Variants in PATJ observed in about 807,000 individuals in gnomAD.
PATJ encodes the protein inaD-like protein.
A neutral mutation model predicts 224.9 loss-of-function variants in PATJ; 190 were observed. The ratio of observed to expected loss-of-function variants is 0.84; its 90% confidence interval spans 0.75 to 0.95. The LOEUF (loss-of-function observed/expected upper bound fraction) is 0.95. PATJ is among the 40% of genes least tolerant of loss of function. The pLI, the probability that PATJ is intolerant of heterozygous loss-of-function variation, is 0.00. For missense variants in PATJ, 2,121 were observed against 2,270.3 expected (o/e 0.93, Z 1.34); for synonymous variants, 769 against 820.3 (o/e 0.94, Z 1.07).
intron 27 of PATJ, among the ~76,000 whole-genome samples, chr1:61,988,545 T>C (rs1644889728): frequency 6.6e-6 from 1 of 152,218 alleles, no homozygotes; most frequent in South Asian, 2.1e-4. Flanking sequence ...GTTAACAGTT[T>C]TGTGATCTTG....
chr1:61,966,913 G>A (rs186957585), intron 27 of PATJ, among the ~76,000 whole-genome samples: 17 of 152,208 alleles, frequency 1.1e-4, no homozygotes, highest in African/African-American at 3.9e-4. Context: ...ACAACCAGAG[G>A]TCACTCTCGT....
intron 20 of PATJ, among the ~76,000 whole-genome samples, chr1:61,871,387 G>A (rs1166629968): frequency 1.1e-5 from 1 of 89,544 alleles, no homozygotes; most frequent in South Asian, 3.4e-4. Flanking sequence ...AATTTTTTGT[G>A]TATATATATA....
At chr1:61,853,935 G>T (rs72674669) in intron 17 of PATJ, among the ~76,000 whole-genome samples, 2,063 of 152,242 alleles carry the variant, frequency 0.014, 26 homozygotes, top group Non-Finnish European at 0.019. Context: ...TGACTCGGGG[G>T]TAGAAAGGCA....
In PATJ at chr1:62,084,554, G is replaced by A. The variant is rs1314298128; in HGVS notation, c.4283G>A (p.Cys1428Tyr). ...QAPLSVDPAT[C>Y]PIVPGQEMII... Reference sequence around the variant, plus strand: ...CCTCTGTCAGTGGACCCCGCAACGTGTCCCATTGTCCCTGGACAGGAAATG... The same window carrying A: ...CCTCTGTCAGTGGACCCCGCAACGTATCCCATTGTCCCTGGACAGGAAATG... Residue 1428 changes from cysteine (C) to tyrosine (Y), a missense_variant, in exon 33 of 44, where the codon TGT becomes TAT. Physicochemically the swap from Cys to Tyr is radical, Grantham distance 194. Transcript: ENST00000642238. 4 of 1,613,302 alleles carry A rather than the reference G, an allele frequency of 2.5e-6. No homozygotes were observed. Among genetic ancestry groups the A allele is most frequent in the Middle Eastern group, 1.6e-4 (1 of 6,062 alleles).
At chr1:62,038,589 A>ATACATACTTAT in intron 30 of PATJ, 1 of 163,672 alleles carries the variant, frequency 6.1e-6, no homozygotes, top group African/African-American at 2.4e-5. Flanking sequence ...CCAAAAAGAA[A>ATACATACTTAT]TACATACTTA....
chr1:61,848,379 G>T (rs1208846219), intron 17 of PATJ, among the ~76,000 whole-genome samples: 1 of 151,958 alleles, frequency 6.6e-6, no homozygotes, highest in African/African-American at 2.4e-5. Flanking sequence ...CTTGTTTTCT[G>T]ACATTACTCA....
chr1:62,116,789 T>C (rs1570669460), intron 36 of PATJ, 110 bp downstream of exon 36: 1 of 1,009,404 alleles, frequency 9.9e-7, no homozygotes, highest in East Asian at 2.6e-5. Context: ...AACTCTAGTT[T>C]TTACTAGAAA....
chr1:62,127,500 C>T (rs973526015), intron 39 of PATJ, among the ~76,000 whole-genome samples: 5 of 151,598 alleles, frequency 3.3e-5, no homozygotes, highest in Non-Finnish European at 5.9e-5. Context: ...CAAGACCCCA[C>T]AGCTAATTAA....
intron 22 of PATJ, among the ~76,000 whole-genome samples, chr1:61,885,580 G>T (rs1668703554): frequency 6.6e-6 from 1 of 152,180 alleles, no homozygotes; most frequent in Non-Finnish European, 1.5e-5. Context: ...CTGTTGGTGG[G>T]ACTATAAACT....
intron 33 of PATJ, among the ~76,000 whole-genome samples, chr1:62,099,347 C>CTTTTTTTTTTTTT (rs71050197): frequency 1.4e-4 from 8 of 55,676 alleles, no homozygotes; most frequent in African/African-American, 6.2e-4. Context: ...ATATCTCCAA[C>CTTTTTTTTTTTTT]TTTTTTTTTT....
In PATJ at chr1:62,051,060, T is replaced by C. The variant is rs989145805; in HGVS notation, c.4125+2T>C. On this transcript the variant is annotated splice_donor_variant, in intron 31 of 43. Coordinates refer to ENST00000642238, the MANE Select transcript of PATJ (RefSeq NM_001350145.3). LOFTEE classifies it high-confidence loss of function. ...CCTGAAAGTGAAAGCTTCAAACTGG[T>C]GAGAATCTTGAGTATTTTTCATCCT... is the stretch of plus-strand genomic sequence containing the variant. 1 of 1,597,782 alleles carries C rather than the reference T, an allele frequency of 6.3e-7. No homozygotes were observed. The highest frequency in any genetic ancestry group is 1.3e-5 in the African/African-American group (1 of 74,548).
intron 25 of PATJ, among the ~76,000 whole-genome samples, chr1:61,912,036 G>A (rs1265394311): frequency 5.6e-5 from 3 of 53,836 alleles, no homozygotes; most frequent in Non-Finnish European, 8.3e-5. Context: ...TAAAAAATTG[G>A]ATATCTTCAG....
At chr1:61,744,353 TAAAG>T (rs1319729533) in intron 1 of PATJ, among the ~76,000 whole-genome samples, 1 of 149,746 alleles carries the variant, frequency 6.7e-6, no homozygotes, top group Non-Finnish European at 1.5e-5. Flanking sequence ...ACTGCATTCC[TAAAG>T]AAAGAATTTC....
chr1:61,778,875 A>G (rs556703661), intron 7 of PATJ, among the ~76,000 whole-genome samples: 19 of 152,064 alleles, frequency 1.2e-4, no homozygotes, highest in African/African-American at 4.3e-4. Context: ...TAATTTTTAC[A>G]TTTTTAATAG....
chr1:61,888,134 C>T (rs1031171040), intron 22 of PATJ, among the ~76,000 whole-genome samples: 2 of 152,188 alleles, frequency 1.3e-5, no homozygotes, highest in African/African-American at 2.4e-5. Flanking sequence ...CTGCCAGGCC[C>T]GGTGTCCTAA....
chr1:62,149,821 C>A (rs1010726892), intron 42 of PATJ, among the ~76,000 whole-genome samples: 3 of 146,974 alleles, frequency 2.0e-5, no homozygotes, highest in Middle Eastern at 6.9e-3. Flanking sequence ...TTTTTTTTTA[C>A]TAGCCTTCTA....
intron 26 of PATJ, among the ~76,000 whole-genome samples, chr1:61,922,309 G>C (rs1009396752): frequency 2.0e-5 from 3 of 152,046 alleles, no homozygotes; most frequent in Non-Finnish European, 2.9e-5. Flanking sequence ...CCTCCCAAAG[G>C]CTGGAATTAT....
At chr1:62,148,120 T>TAAAAAAAAAAAAAAAAAA (rs1558235712) in intron 41 of PATJ, among the ~76,000 whole-genome samples, 164 bp from the exon 42 acceptor site, 1 of 108,496 alleles carries the variant, frequency 9.2e-6, no homozygotes, top group Admixed American at 1.1e-4. Flanking sequence ...GACACTGTCT[T>TAAAAAAAAAAAAAAAAAA]TAAAAAAAAA....
chr1:62,027,821 T>C (rs889378203), intron 29 of PATJ, among the ~76,000 whole-genome samples: 15 of 151,750 alleles, frequency 9.9e-5, no homozygotes, highest in African/African-American at 3.6e-4. Flanking sequence ...GCCCATTTTT[T>C]TAATGAGATT....
Sources: allele counts gnomAD v4.1 joint callset (sites outside exome capture counted in the v4.1 genomes callset), GRCh38; gene constraint gnomAD v4.1.1; transcripts MANE v1.5; gene names NCBI Gene and HGNC (gene_info 2026-07-23, HGNC 2026-07-21).